Variants in VPS13C observed in about 807,000 individuals in gnomAD.
VPS13C encodes the protein intermembrane lipid transfer protein VPS13C.
A neutral mutation model predicts 456.8 loss-of-function variants in VPS13C; 358 were observed. The ratio of observed to expected loss-of-function variants is 0.78; its 90% CI spans 0.72 to 0.86. The LOEUF (loss-of-function observed/expected upper bound fraction) is 0.86. VPS13C is among the 40% of genes least tolerant of loss of function. The pLI is 0.00. For synonymous variants in VPS13C, 1,578 were observed against 1,486.7 expected, an observed-to-expected ratio of 1.06 and a Z score of -1.41; for missense variants, 4,818 against 4,385.4, an observed-to-expected ratio of 1.10 and a Z score of -2.79.
intron 8 of VPS13C, among the ~76,000 whole-genome samples, chr15:62,020,894 T>A (rs4143845): frequency 0.059 from 8,902 of 152,016 alleles, 318 homozygotes; most frequent in Non-Finnish European, 0.08. Context: ...GTGTTACAGA[T>A]AACACTGCCA....
At chr15:62,016,687 T>A (rs1331248268) in intron 9 of VPS13C, among the ~76,000 whole-genome samples, 3 of 152,052 alleles carry the variant, frequency 2.0e-5, no homozygotes, top group Non-Finnish European at 4.4e-5. Context: ...GACACTTGGG[T>A]TGGTTCCAAG....
At chr15:62,015,477 T>C (rs1378124689) in intron 9 of VPS13C, among the ~76,000 whole-genome samples, 1 of 151,770 alleles carries the variant, frequency 6.6e-6, no homozygotes, top group African/African-American at 2.4e-5. Context: ...CTAGGGTTTT[T>C]ATGGTTTATT....
At chr15:61,966,034 G>A (rs750371258) in intron 30 of VPS13C, 49 bp downstream of exon 30, 2 of 1,442,774 alleles carry the variant, frequency 1.4e-6, no homozygotes, top group South Asian at 2.5e-5. Context: ...GAGGCTTTGA[G>A]ACTAGGTTAT....
chr15:61,991,949 A>G (rs1187177318), intron 16 of VPS13C, 147 bp from the exon 17 acceptor site: 5 of 896,064 alleles, frequency 5.6e-6, no homozygotes, highest in African/African-American at 5.1e-5. Flanking sequence ...GATGCTCACA[A>G]CATAATTTAG....
chr15:61,966,424 C>T (rs2045379074), intron 29 of VPS13C, among the ~76,000 whole-genome samples: 2 of 151,826 alleles, frequency 1.3e-5, no homozygotes, highest in Admixed American at 6.6e-5. Flanking sequence ...GTCACAGTCA[C>T]GTAGCCCATC....
At chr15:62,052,360 AT>A (rs1303966161) in intron 1 of VPS13C, among the ~76,000 whole-genome samples, 1 of 152,166 alleles carries the variant, frequency 6.6e-6, no homozygotes, top group African/African-American at 2.4e-5. Flanking sequence ...GAATCAAATT[AT>A]TTTAATGATT....
chr15:62,047,750 T>C (rs112798326), intron 1 of VPS13C, among the ~76,000 whole-genome samples: 44 of 152,334 alleles, frequency 2.9e-4, no homozygotes, highest in African/African-American at 1.1e-3. Context: ...TCCACTAAAC[T>C]GCATGCTATT....
At chr15:62,041,161 T>C (rs1372979478) in intron 3 of VPS13C, among the ~76,000 whole-genome samples, 163 bp downstream of exon 3, 1 of 152,154 alleles carries the variant, frequency 6.6e-6, no homozygotes, top group African/African-American at 2.4e-5. Context: ...ATGTACGTTT[T>C]ATATATAATA....
In VPS13C at chr15:61,960,563, A is replaced by G. The variant is rs993227289; in HGVS notation, c.3909-968T>C. ...GAATGAATGTCCTTGTTTATAGGAGACATATGATAAAGTATTTAGGGACAA... is the reference window on the plus strand; with the variant it reads ...GAATGAATGTCCTTGTTTATAGGAGGCATATGATAAAGTATTTAGGGACAA... On this transcript the variant is annotated intron_variant, in intron 35 of 84. Transcript: ENST00000644861. 9.8e-5 allele frequency among the ~76,000 whole-genome samples: 15 copies of G among 152,304 alleles called. No individual in the cohort carries two copies. The South Asian group carries it at 1.9e-3, about 19-fold the overall frequency.
intron 45 of VPS13C, among the ~76,000 whole-genome samples, chr15:61,944,473 T>C (rs967406487): frequency 5.3e-5 from 8 of 152,180 alleles, no homozygotes; most frequent in African/African-American, 9.6e-5. Flanking sequence ...AATGAAATCA[T>C]GTCCTTTGCA....
chr15:61,980,954 C>T (rs1466508755), intron 22 of VPS13C, among the ~76,000 whole-genome samples: 1 of 152,138 alleles, frequency 6.6e-6, no homozygotes, highest in East Asian at 1.9e-4. Context: ...AGTTGTCTTG[C>T]TCTACTTAGT....
In VPS13C at chr15:61,947,204, A is replaced by G. The variant is rs888217863; in HGVS notation, c.4865T>C (p.Ile1622Thr). The G allele has an allele frequency of 1.9e-5, 30 of 1,576,270 alleles. No individual in the cohort carries two copies. The highest frequency in any genetic ancestry group is 2.4e-5 in the Non-Finnish European group (28 of 1,163,342). ...AAGTAACTACTTACCATGTATTTTA[A>G]TATCTGCAATGTTACACTTCTGATC... is the stretch of plus-strand genomic sequence containing the variant. ...VCDQKCNIAD[I>T]KIHGMDASIS... Residue 1622 changes from isoleucine (I) to threonine (T), a missense_variant, in exon 43 of 85, where the codon ATT becomes ACT. Around this residue, in one of 3 missense-constraint regions of VPS13C, gnomAD observed 4,552 missense variants for 4,130.6 expected, o/e 1.10. Transcript: ENST00000644861.
intron 1 of VPS13C, among the ~76,000 whole-genome samples, chr15:62,049,256 A>C (rs1300779341): frequency 1.3e-5 from 2 of 152,190 alleles, no homozygotes; most frequent in African/African-American, 4.8e-5. Flanking sequence ...GTAAGTCTTT[A>C]GTCCATCTTG....
rs149604048 is a variant in VPS13C at position 61,980,726 on chromosome 15, C to G, written c.2166+616G>C. Among the ~76,000 whole-genome samples the G allele has an allele frequency of 7.4e-3, 1,124 of 152,116 alleles. 5 individuals are homozygous for G. Among genetic ancestry groups the G allele is most frequent in the Non-Finnish European group, 0.01 (714 of 68,002 alleles). On this transcript the variant is annotated intron_variant, in intron 22 of 84. Transcript: ENST00000644861. The stretch of plus-strand genomic sequence containing the variant: ...AATGACATGATTAAATTCCCAGGAC[C>G]CTCAATCCTTGAGAGATGGACTAAA...
At chr15:61,946,449 C>A (rs1231673882) in intron 43 of VPS13C, 39 bp from the exon 44 acceptor site, 2 of 1,460,698 alleles carry the variant, frequency 1.4e-6, no homozygotes, top group Admixed American at 2.1e-5. Context: ...TTCACCCAAT[C>A]CACATGACTA....
At position 61,961,797 on chromosome 15, in the gene VPS13C, G is replaced by A. The variant is rs375023319; in HGVS notation, c.3700C>T (p.Gln1234Ter). The part of the protein sequence containing the change: ...RAATSVKDLA[Q>*]RSFRVSINID... ...TTGATGGAAACACGAAAACTCCTCT[G>A]GGCAAGATCTTTCACACTTGTGGCA... The change falls in exon 35 of 85, where the codon CAG becomes TAG. Residue 1234 changes from glutamine (Q) to a stop codon, truncating the protein, a stop_gained. Coordinates refer to ENST00000644861, the MANE Select transcript of VPS13C (RefSeq NM_020821.3). LOFTEE classifies it high-confidence loss of function. The A allele has an allele frequency of 1.2e-6, 2 of 1,613,884 alleles. No individual in the cohort carries two copies. Among genetic ancestry groups the A allele is most frequent in the Non-Finnish European group, 1.7e-6 (2 of 1,179,960 alleles).
At position 61,923,780 on chromosome 15, in the gene VPS13C, A is replaced by C. The variant is rs1889847654; in HGVS notation, c.6610-1018T>G. 2.0e-5 allele frequency among the ~76,000 whole-genome samples: 3 copies of C among 149,422 alleles called. No individual in the cohort carries two copies. In the South Asian group the frequency reaches 6.5e-4, roughly 32 times the overall value. On this transcript the variant is annotated intron_variant, in intron 53 of 84. Transcript: ENST00000644861. Reference sequence around the variant, plus strand: ...TCAACTTTTTTTCCGTGTCTTATTAATGTCACTTATAATTAATGCTTCCAG... The same window carrying C: ...TCAACTTTTTTTCCGTGTCTTATTACTGTCACTTATAATTAATGCTTCCAG...
chr15:61,946,192 T>C, intron 44 of VPS13C, 115 bp downstream of exon 44: 1 of 830,688 alleles, frequency 1.2e-6, no homozygotes, highest in African/African-American at 1.8e-5. Flanking sequence ...CTCCAATTCC[T>C]AATAAAGTGC....
intron 42 of VPS13C, 35 bp downstream of exon 42, chr15:61,949,408 A>G (rs1025004526): frequency 6.3e-7 from 1 of 1,590,048 alleles, no homozygotes; most frequent in Non-Finnish European, 8.5e-7. Flanking sequence ...ATTAAAGTTC[A>G]AAGTATTATT....
Sources: gnomAD v4.1 joint callset for allele counts (sites outside exome capture counted in the v4.1 genomes callset) on GRCh38, gnomAD v4.1.1 for gene constraint, gnomAD v4.1.1 regional missense constraint, MANE v1.5 for transcripts, NCBI Gene and HGNC (gene_info 2026-07-23, HGNC 2026-07-21) for gene names.